The following IL1RAPL2 variants were observed in gnomAD, a reference collection of about 807,000 sequenced individuals.
The protein encoded by IL1RAPL2 is X-linked interleukin-1 receptor accessory protein-like 2.
In IL1RAPL2, 3 loss-of-function variants were observed where a neutral mutation model predicts 44.1. That is an observed-to-expected ratio of 0.07 (90% CI 0.03 to 0.18). The LOEUF (loss-of-function observed/expected upper bound fraction) is 0.18, where lower values mean the gene tolerates loss of function less well. Among genes scored for constraint, IL1RAPL2 ranks in the 10% least tolerant of loss-of-function variants. The pLI, the probability that IL1RAPL2 is intolerant of heterozygous loss-of-function variation, is 1.00. For synonymous variants in IL1RAPL2, 181 were observed against 178.8 expected (o/e 1.01, Z -0.10); for missense variants, 391 against 496.4 (o/e 0.79, Z 2.02).
intron 6 of IL1RAPL2, among the ~76,000 whole-genome samples, chrX:105,485,025 C>T (rs1391878412): frequency 9.0e-6 from 1 of 111,626 alleles, no homozygotes; most frequent in Non-Finnish European, 1.9e-5. Flanking sequence ...AACTCAGAGG[C>T]CTGCTAGGAT....
chrX:104,821,444 G>A (rs1921300621), intron 2 of IL1RAPL2, among the ~76,000 whole-genome samples: 1 of 110,084 alleles, frequency 9.1e-6, no homozygotes, highest in African/African-American at 3.3e-5. Flanking sequence ...CCTTCCCTGT[G>A]CCCATATGTT....
At chrX:105,478,506 A>G (rs1308529912) in intron 5 of IL1RAPL2, among the ~76,000 whole-genome samples, 6 of 111,637 alleles carry the variant, frequency 5.4e-5, no homozygotes, top group Non-Finnish European at 1.1e-4. Context: ...AAAGTGAAAC[A>G]AGGACAAAAC....
At chrX:105,049,313 A>G (rs943369300) in intron 2 of IL1RAPL2, among the ~76,000 whole-genome samples, 6 of 111,781 alleles carry the variant, frequency 5.4e-5, no homozygotes, top group Non-Finnish European at 1.1e-4. Context: ...TGACAATTGT[A>G]GAATGTATGG....
chrX:105,057,760 T>C (rs1355144178), intron 2 of IL1RAPL2, among the ~76,000 whole-genome samples: 4 of 108,336 alleles, frequency 3.7e-5, no homozygotes, highest in Admixed American at 9.8e-5. Flanking sequence ...ATTGGTTATT[T>C]TATTTTTATT....
At chrX:105,266,840 C>A (rs1019615812) in intron 4 of IL1RAPL2, among the ~76,000 whole-genome samples, 5 of 111,431 alleles carry the variant, frequency 4.5e-5, no homozygotes, top group Non-Finnish European at 9.4e-5. Flanking sequence ...TTCTTGATTA[C>A]AAGAAGGGAG....
At chrX:105,610,774 T>C (rs2037329800) in intron 6 of IL1RAPL2, among the ~76,000 whole-genome samples, 1 of 112,282 alleles carries the variant, frequency 8.9e-6, no homozygotes, top group African/African-American at 3.2e-5. Context: ...ATGTATAGTA[T>C]ATACTACTTG....
chrX:105,626,457 A>G (rs1257158244), intron 6 of IL1RAPL2, among the ~76,000 whole-genome samples: 1 of 111,549 alleles, frequency 9.0e-6, no homozygotes, highest in Non-Finnish European at 1.9e-5. Context: ...GAGATGGAAA[A>G]CAGAGGAAGA....
At chrX:104,762,059 G>A (rs1289758167) in intron 2 of IL1RAPL2, among the ~76,000 whole-genome samples, 2 of 106,659 alleles carry the variant, frequency 1.9e-5, no homozygotes, top group Admixed American at 1.0e-4. Context: ...GTGCAATGGT[G>A]CAATCTCAGC....
At chrX:104,976,174 C>A (rs1322625342) in intron 2 of IL1RAPL2, among the ~76,000 whole-genome samples, 1 of 111,407 alleles carries the variant, frequency 9.0e-6, no homozygotes, top group Non-Finnish European at 1.9e-5. Flanking sequence ...AAATGAGTTT[C>A]TTTTTCTCTA....
chrX:104,630,539 C>A lies in IL1RAPL2; in HGVS notation c.-19-28356C>A, dbSNP rs867485743. Among the ~76,000 whole-genome samples the A allele has an allele frequency of 3.7e-5, 4 of 109,315 alleles. No individual in the cohort carries two copies. The Middle Eastern group carries it at 0.019, about 513-fold the overall frequency. The allele number at this position is 109,315 out of a possible 115,157, so 94.9% of individuals were successfully genotyped here. ...TCTCGAACTTCTGACCTCAGGCAAT[C>A]CACCTGCCTTGGCCTCCCAAAGTAC... On this transcript the variant is annotated intron_variant, in intron 1 of 10. Transcript: ENST00000372582.
chrX:105,128,066 T>C, intron 2 of IL1RAPL2, among the ~76,000 whole-genome samples: 1 of 110,797 alleles, frequency 9.0e-6, no homozygotes, highest in East Asian at 2.8e-4. Flanking sequence ...CAAAGGAGTC[T>C]GCTATCTATC....
At chrX:104,929,930 C>A (rs968020936) in intron 2 of IL1RAPL2, among the ~76,000 whole-genome samples, 2 of 112,020 alleles carry the variant, frequency 1.8e-5, no homozygotes, top group Non-Finnish European at 3.8e-5. Flanking sequence ...AGCTTATAAG[C>A]TTTTACACTT....
At chrX:104,671,785 G>A (rs1392309445) in intron 2 of IL1RAPL2, among the ~76,000 whole-genome samples, 2 of 111,917 alleles carry the variant, frequency 1.8e-5, no homozygotes, top group Non-Finnish European at 3.8e-5. Context: ...GTGATTGAAA[G>A]TCATTAAACA....
chrX:105,417,446 C>A (rs1198533107), intron 5 of IL1RAPL2, among the ~76,000 whole-genome samples: 1 of 112,864 alleles, frequency 8.9e-6, no homozygotes, highest in African/African-American at 3.2e-5. Flanking sequence ...GCACTTCAGC[C>A]TGGGCAACAG....
intron 1 of IL1RAPL2, among the ~76,000 whole-genome samples, chrX:104,632,906 C>T (rs1308915269): frequency 4.5e-5 from 5 of 111,309 alleles, no homozygotes; most frequent in South Asian, 3.8e-4. Flanking sequence ...AGAGGGCATC[C>T]CTGTCTTGTG....
At chrX:105,738,721 G>T (rs1212368468) in intron 7 of IL1RAPL2, among the ~76,000 whole-genome samples, 1 of 110,970 alleles carries the variant, frequency 9.0e-6, no homozygotes, top group Non-Finnish European at 1.9e-5. Context: ...GCTGGTCGTT[G>T]TTGACAGTAT....
At chrX:104,943,177 A>T (rs1925240201) in intron 2 of IL1RAPL2, among the ~76,000 whole-genome samples, 1 of 111,093 alleles carries the variant, frequency 9.0e-6, no homozygotes, top group African/African-American at 3.3e-5. Context: ...TGTCTCTGCC[A>T]GGCTTTGGTA....
At chrX:105,569,764 G>A (rs1272475099) in intron 6 of IL1RAPL2, among the ~76,000 whole-genome samples, 1 of 111,216 alleles carries the variant, frequency 9.0e-6, no homozygotes, top group Admixed American at 9.6e-5. Context: ...CTGACTTATA[G>A]ATACACTCTT....
At chrX:105,003,419 A>G (rs2030887138) in intron 2 of IL1RAPL2, among the ~76,000 whole-genome samples, 1 of 111,536 alleles carries the variant, frequency 9.0e-6, no homozygotes. Context: ...TTTCATTTAT[A>G]GATTTGGTTT....
Sources: allele counts gnomAD v4.1 joint callset (sites outside exome capture counted in the v4.1 genomes callset), GRCh38; gene constraint gnomAD v4.1.1; transcripts MANE v1.5; gene names NCBI Gene and HGNC (gene_info 2026-07-23, HGNC 2026-07-21).